The following NTN4 variants were observed in gnomAD, a reference collection of about 807,000 sequenced individuals.
NTN4 encodes netrin 4, also known as netrin-4.
A neutral mutation model predicts 73.6 loss-of-function variants in NTN4; 32 were observed. The ratio of observed to expected loss-of-function variants is 0.44; its 90% CI spans 0.33 to 0.58. The LOEUF (loss-of-function observed/expected upper bound fraction) is 0.58, where lower values mean the gene tolerates loss of function less well. NTN4 is among the 20% of genes least tolerant of loss of function. NTN4 has a pLI of 0.04. For missense variants in NTN4, 654 were observed against 798.3 expected (o/e 0.82, Z 2.18); for synonymous variants, 258 against 287.5 (o/e 0.90, Z 1.04).
intron 2 of NTN4, among the ~76,000 whole-genome samples, chr12:95,747,395 C>T (rs1169419299): frequency 6.6e-6 from 1 of 152,134 alleles, no homozygotes; most frequent in African/African-American, 2.4e-5. Context: ...TAGCTCACCA[C>T]AGCCTTGAAC....
intron 8 of NTN4, among the ~76,000 whole-genome samples, chr12:95,667,288 C>T (rs73373296): frequency 0.012 from 1,807 of 151,244 alleles, 45 homozygotes; most frequent in African/African-American, 0.042. Context: ...CTCCGAGGTT[C>T]AAGCAATTCT....
intron 2 of NTN4, among the ~76,000 whole-genome samples, chr12:95,766,606 T>G (rs2079022867): frequency 6.6e-6 from 1 of 152,254 alleles, no homozygotes; most frequent in Non-Finnish European, 1.5e-5. Context: ...CCATAAATCC[T>G]CTCTCATAGG....
Position 95,681,485 on chromosome 12 carries a change from G to A in NTN4, c.1510+1222C>T, listed in dbSNP as rs76247387. On this transcript the variant is annotated intron_variant, in intron 7 of 9. Coordinates refer to ENST00000343702, the MANE Select transcript of NTN4 (RefSeq NM_021229.4). ...TCATTGCATAACATTTTTACTACTT[G>A]TAATGTTTCATAATAAAATATATTT... is the stretch of plus-strand genomic sequence containing the variant. Among the ~76,000 whole-genome samples, 1,080 of 152,236 alleles carry A rather than the reference G, an allele frequency of 7.1e-3. 8 individuals carry two copies. The highest frequency in any genetic ancestry group is 0.025 in the African/African-American group (1,039 of 41,566).
At chr12:95,673,256 A>G in intron 7 of NTN4, 1 of 376,774 alleles carries the variant, frequency 2.7e-6, no homozygotes, top group Non-Finnish European at 5.2e-6. Context: ...CCCTTCATTC[A>G]TTCTAGTCAG....
intron 2 of NTN4, among the ~76,000 whole-genome samples, chr12:95,758,054 C>T (rs979125960): frequency 2.6e-5 from 4 of 152,122 alleles, no homozygotes; most frequent in Non-Finnish European, 5.9e-5. Context: ...TGAACATTCA[C>T]GCAGAAGTCA....
At chr12:95,668,808 G>A (rs1329294411) in intron 8 of NTN4, among the ~76,000 whole-genome samples, 2 of 152,038 alleles carry the variant, frequency 1.3e-5, no homozygotes, top group Admixed American at 6.6e-5. Flanking sequence ...TGGCCAACAT[G>A]GTGAAACCCC....
At chr12:95,751,991 T>C (rs901793796) in intron 2 of NTN4, among the ~76,000 whole-genome samples, 3 of 151,058 alleles carry the variant, frequency 2.0e-5, no homozygotes, top group African/African-American at 7.3e-5. Flanking sequence ...GGACTACAGC[T>C]ATATCTCATT....
chr12:95,669,773 A>G (rs2078213070), intron 8 of NTN4, among the ~76,000 whole-genome samples: 1 of 152,240 alleles, frequency 6.6e-6, no homozygotes, highest in Non-Finnish European at 1.5e-5. Context: ...TAAGGCAAGA[A>G]GTATCCACGA....
At chr12:95,778,926 T>C (rs951475615) in intron 2 of NTN4, among the ~76,000 whole-genome samples, 2 of 152,126 alleles carry the variant, frequency 1.3e-5, no homozygotes, top group African/African-American at 4.8e-5. Context: ...AAAGGCAAAC[T>C]GAATCCAGCA....
chr12:95,719,293 T>C (rs1565895403), intron 3 of NTN4, among the ~76,000 whole-genome samples: 1 of 152,142 alleles, frequency 6.6e-6, no homozygotes, highest in African/African-American at 2.4e-5. Flanking sequence ...AATATTCTCT[T>C]AGACCATCAT....
chr12:95,681,012 A>AC (rs2078310790), intron 7 of NTN4, among the ~76,000 whole-genome samples: 1 of 151,936 alleles, frequency 6.6e-6, no homozygotes, highest in South Asian at 2.1e-4. Flanking sequence ...ACATAGTGAA[A>AC]CCCCATCTCT....
intron 2 of NTN4, among the ~76,000 whole-genome samples, chr12:95,782,623 G>A (rs1318000545): frequency 6.6e-6 from 1 of 152,118 alleles, no homozygotes; most frequent in African/African-American, 2.4e-5. Flanking sequence ...AGATTACTTT[G>A]AGACCCAGCT....
intron 3 of NTN4, among the ~76,000 whole-genome samples, chr12:95,726,408 C>T (rs1234557463): frequency 6.6e-6 from 1 of 152,168 alleles, no homozygotes; most frequent in African/African-American, 2.4e-5. Context: ...CTTAGCACAG[C>T]ATTTTCAAGG....
chr12:95,717,802 T>C (rs2078618210), intron 3 of NTN4, among the ~76,000 whole-genome samples: 1 of 152,130 alleles, frequency 6.6e-6, no homozygotes, highest in Admixed American at 6.6e-5. Flanking sequence ...AAGCGGTGTC[T>C]AGTTATCTAA....
In NTN4 at chr12:95,682,799, T is replaced by C; in HGVS notation, c.1418A>G (p.His473Arg). ...CACGGGACGGAAGTCAGGAACTTCA[T>C]GATACCAGTCTATGTCTGTGTGGCT... Reference protein sequence around the residue: ...ISSHTDIDWYHEVPDFRPVHN... With the variant: ...ISSHTDIDWYREVPDFRPVHN... The change falls in exon 7 of 10, where the codon CAT becomes CGT. Residue 473 changes from histidine to arginine, a missense_variant. Coordinates refer to ENST00000343702, the MANE Select transcript of NTN4 (RefSeq NM_021229.4). The C allele has an allele frequency of 6.2e-7, 1 of 1,613,086 alleles. No homozygotes were observed. The highest frequency in any genetic ancestry group is 8.5e-7 in the Non-Finnish European group (1 of 1,179,104).
intron 2 of NTN4, among the ~76,000 whole-genome samples, chr12:95,758,093 G>A (rs1352275102): frequency 6.6e-6 from 1 of 152,294 alleles, no homozygotes; most frequent in East Asian, 1.9e-4. Context: ...TTTTTCGTGG[G>A]TACTTAGGAG....
chr12:95,752,088 T>C (rs534023971), intron 2 of NTN4, among the ~76,000 whole-genome samples: 2 of 151,794 alleles, frequency 1.3e-5, no homozygotes, highest in South Asian at 4.2e-4. Context: ...ATACCTCTAC[T>C]CCCTCCTTGC....
At chr12:95,664,035 C>T (rs970522688) in intron 9 of NTN4, among the ~76,000 whole-genome samples, 5 of 151,922 alleles carry the variant, frequency 3.3e-5, no homozygotes, top group Non-Finnish European at 1.5e-5. Flanking sequence ...TCAATTTGTT[C>T]TTTGGAATTT....
In NTN4 at chr12:95,738,237, A is replaced by G. The variant is rs1467828554; in HGVS notation, c.586-93T>C. On this transcript the variant is annotated intron_variant, in intron 2 of 9. Coordinates refer to ENST00000343702, the MANE Select transcript of NTN4 (RefSeq NM_021229.4). ...GTAGTCCCTGTTTGATTTATGCCTT[A>G]TGTCATCTGTGAACGATAAGATAAC... 4.3e-6 allele frequency: 5 copies of G among 1,168,368 alleles called. No homozygotes were observed. The Admixed American group carries it at 1.1e-4, about 25-fold the overall frequency. The allele number at this position is 1,168,368 out of a possible 1,614,324, so 72.4% of individuals were successfully genotyped here.
Sources: gnomAD v4.1 joint callset for allele counts (sites outside exome capture counted in the v4.1 genomes callset) on GRCh38, gnomAD v4.1.1 for gene constraint, MANE v1.5 for transcripts, NCBI Gene and HGNC (gene_info 2026-07-23, HGNC 2026-07-21) for gene names.